CDC23: variants seen among roughly 807,000 people sequenced by gnomAD.
CDC23 encodes cell division cycle protein 23 homolog.
Under a neutral mutation model 81.7 loss-of-function variants are expected in CDC23, and 26 were observed. That is an observed-to-expected ratio of 0.32 (90% CI 0.23 to 0.44). The LOEUF (loss-of-function observed/expected upper bound fraction) is 0.44. CDC23 is among the 20% of genes least tolerant of loss of function. CDC23 has a pLI of 1.00. For missense variants in CDC23, 519 were observed against 728.0 expected, an observed-to-expected ratio of 0.71 and a Z score of 3.30; for synonymous variants, 267 against 270.8, an observed-to-expected ratio of 0.99 and a Z score of 0.14.
chr5:138,194,891 T>A (rs1007835148), intron 9 of CDC23, among the ~76,000 whole-genome samples: 1 of 151,710 alleles, frequency 6.6e-6, no homozygotes, highest in African/African-American at 2.4e-5. Context: ...CCGGCTAATT[T>A]TCATATTTTT....
At chr5:138,200,297 AATTTTTAT>A (rs1754971944) in intron 6 of CDC23, among the ~76,000 whole-genome samples, 1 of 152,070 alleles carries the variant, frequency 6.6e-6, no homozygotes, top group African/African-American at 2.4e-5. Flanking sequence ...ACACCTGGTT[AATTTTTAT>A]ATTTTCAGTA....
In CDC23 at chr5:138,194,137, C is replaced by T. The variant is rs375973062; in HGVS notation, c.1013-1480G>A. 2.1e-4 allele frequency among the ~76,000 whole-genome samples: 32 copies of T among 152,224 alleles called. 1 individual carries two copies. In the Middle Eastern group the frequency reaches 0.014, roughly 65 times the overall value. On this transcript the variant is annotated intron_variant, in intron 9 of 15. Transcript: ENST00000394886. ...ATGTGGCATATCCAAACATGGAATA[C>T]TACTCAGCAATAAAAGGAACTACTG...
chr5:138,200,401 G>C (rs1051734498), intron 6 of CDC23, among the ~76,000 whole-genome samples: 1 of 152,052 alleles, frequency 6.6e-6, no homozygotes, highest in African/African-American at 2.4e-5. Context: ...CAAAGTGCTA[G>C]GATTACAGGC....
Position 138,189,079 on chromosome 5 carries a change from T to C in CDC23, c.1693A>G (p.Thr565Ala). The C allele has an allele frequency of 6.2e-7, 1 of 1,614,036 alleles. No homozygotes were observed. The highest frequency in any genetic ancestry group is 8.5e-7 in the Non-Finnish European group (1 of 1,179,968). ...AGGAAAAAGGGAGCAGGCACCTCGG[T>C]GGTAGGAGTCTCGCCTTGGTTCCGA... ...QLRNQGETPT[T>A]EVPAPFFLPA... Residue 565 changes from threonine (T) to alanine (A), a missense_variant, in exon 16 of 16, where the codon ACC becomes GCC. Coordinates refer to ENST00000394886, the MANE Select transcript of CDC23 (RefSeq NM_004661.4).
chr5:138,200,541 T>A (rs1464158316), intron 6 of CDC23, among the ~76,000 whole-genome samples: 1 of 151,426 alleles, frequency 6.6e-6, no homozygotes, highest in East Asian at 2.0e-4. Context: ...TAACATAGGC[T>A]GGGCGTGGTG....
In CDC23 at chr5:138,198,784, T is replaced by G; in HGVS notation, c.655-2A>C. 1 of 1,613,484 alleles carries G rather than the reference T, an allele frequency of 6.2e-7. No individual in the cohort carries two copies. The highest frequency in any genetic ancestry group is 8.5e-7 in the Non-Finnish European group (1 of 1,179,826). On this transcript the variant is annotated splice_acceptor_variant, in intron 6 of 15. Transcript: ENST00000394886. LOFTEE classifies it high-confidence loss of function. ...GTCTGGCAAAGACAGGAACTTCAGC[T>G]GGCAGCAGGAGAGAGAGGGACACAC...
intron 13 of CDC23, among the ~76,000 whole-genome samples, chr5:138,191,167 G>A (rs1387987181): frequency 6.6e-6 from 1 of 152,030 alleles, no homozygotes; most frequent in Non-Finnish European, 1.5e-5. Context: ...CCAGGCTGGA[G>A]TGCAATGGCG....
intron 4 of CDC23, 98 bp from the exon 5 acceptor site, chr5:138,201,546 T>A (rs775948766): frequency 1.5e-4 from 127 of 846,234 alleles, no homozygotes; most frequent in Non-Finnish European, 2.1e-4. Flanking sequence ...AGGGTCTCGC[T>A]ATGTTCCCTA....
At chr5:138,195,708 CATATA>C (rs70979590) in intron 9 of CDC23, among the ~76,000 whole-genome samples, 75 of 59,094 alleles carry the variant, frequency 1.3e-3, no homozygotes, top group Non-Finnish European at 2.1e-3. Context: ...TGCATATATA[CATATA>C]ATATATATGT....
At chr5:138,199,738 A>G (rs1171435748) in intron 6 of CDC23, among the ~76,000 whole-genome samples, 1 of 152,222 alleles carries the variant, frequency 6.6e-6, no homozygotes, top group Non-Finnish European at 1.5e-5. Context: ...AAGTTGGGAG[A>G]AATAATTTAG....
At chr5:138,194,846 T>C (rs1174182890) in intron 9 of CDC23, among the ~76,000 whole-genome samples, 1 of 150,982 alleles carries the variant, frequency 6.6e-6, no homozygotes, top group Non-Finnish European at 1.5e-5. Flanking sequence ...CTCAGTCTCC[T>C]GAGTAGCTGG....
intron 9 of CDC23, among the ~76,000 whole-genome samples, chr5:138,196,845 G>C (rs1296823770): frequency 1.3e-5 from 2 of 150,034 alleles, no homozygotes; most frequent in African/African-American, 4.9e-5. Flanking sequence ...CTCCCAAAGT[G>C]CTGGGATTAC....
chr5:138,208,237 G>A (rs1406038495), intron 2 of CDC23, among the ~76,000 whole-genome samples: 6 of 152,106 alleles, frequency 3.9e-5, no homozygotes, highest in South Asian at 2.1e-4. Flanking sequence ...TTACAGGCAC[G>A]AGCCACCACC....
At chr5:138,193,062 TGGGAGCACA>T (rs1754843615) in intron 9 of CDC23, among the ~76,000 whole-genome samples, 1 of 152,178 alleles carries the variant, frequency 6.6e-6, no homozygotes, top group South Asian at 2.1e-4. Context: ...TTCAAGTAGC[TGGGAGCACA>T]GGCACATGCC....
chr5:138,189,122 G>GAGTA lies in CDC23; in HGVS notation c.1646_1649dup (p.Arg551ThrfsTer31). 1 of 1,614,074 alleles carries GAGTA rather than the reference G, an allele frequency of 6.2e-7. No homozygotes were observed. The highest frequency in any genetic ancestry group is 2.2e-5 in the East Asian group (1 of 44,878). On this transcript the variant is annotated frameshift_variant, in exon 16 of 16. Transcript: ENST00000394886. LOFTEE classifies it high-confidence loss of function. The stretch of plus-strand genomic sequence containing the variant: ...GGTTCCGAAGCTGTAGGATTTGCCG[G>GAGTA]AGTAAGGCCTTACCTTCTTCCCGGG...
chr5:138,212,012 G>C (rs1755118606), intron 2 of CDC23, among the ~76,000 whole-genome samples: 1 of 152,148 alleles, frequency 6.6e-6, no homozygotes, highest in Non-Finnish European at 1.5e-5. Context: ...ATTATCTATA[G>C]ATGAGAAGGC....
At position 138,202,162 on chromosome 5, in the gene CDC23, G is replaced by A. The variant is rs367838005; in HGVS notation, c.373-7C>T. ...CCTTCTTTTTTTCTCCAGACTGTAA[G>A]AGAAAATCAACAAATAGGTCTTTTT... On this transcript the variant is annotated splice_region_variant and splice_polypyrimidine_tract_variant and intron_variant, in intron 3 of 15. Coordinates refer to ENST00000394886, the MANE Select transcript of CDC23 (RefSeq NM_004661.4). The A allele has an allele frequency of 5.0e-6, 8 of 1,604,436 alleles. No individual in the cohort carries two copies. The African/African-American group carries it at 1.1e-4, about 22-fold the overall frequency.
intron 9 of CDC23, among the ~76,000 whole-genome samples, chr5:138,196,509 G>A (rs983382301): frequency 4.0e-5 from 6 of 151,318 alleles, no homozygotes; most frequent in African/African-American, 9.7e-5. Flanking sequence ...GGCTGGTCTC[G>A]AACTCCTGAC....
At chr5:138,204,134 C>T (rs193133430) in intron 3 of CDC23, among the ~76,000 whole-genome samples, 44 of 152,204 alleles carry the variant, frequency 2.9e-4, no homozygotes, top group Non-Finnish European at 1.2e-4. Flanking sequence ...CATGTGTATG[C>T]ACACGTTGTG....
Sources: gnomAD v4.1 joint callset for allele counts (sites outside exome capture counted in the v4.1 genomes callset) on GRCh38, gnomAD v4.1.1 for gene constraint, MANE v1.5 for transcripts, NCBI Gene and HGNC (gene_info 2026-07-23, HGNC 2026-07-21) for gene names.